NOMO2: variants seen among roughly 807,000 people sequenced by gnomAD.
NOMO2 encodes BOS complex subunit NOMO2.
NOMO2 carries 14 observed loss-of-function variants against 67.1 expected under a neutral mutation model. That is an observed-to-expected ratio of 0.21 (90% CI 0.14 to 0.33). The LOEUF is 0.33. NOMO2 is among the 10% of genes least tolerant of loss of function. The pLI is 1.00. For synonymous variants in NOMO2, 80 were observed against 305.9 expected (o/e 0.26, Z 7.71); for missense variants, 178 against 761.0 (o/e 0.23, Z 9.01).
intron 15 of NOMO2, among the ~76,000 whole-genome samples, chr16:18,528,951 G>A (rs1284346068): frequency 1.9e-5 from 2 of 106,044 alleles, no homozygotes; most frequent in East Asian, 5.1e-4. Flanking sequence ...CTGGGCAACA[G>A]AGCAAGACTC....
chr16:18,557,008 T>A (rs1396924408), intron 2 of NOMO2, among the ~76,000 whole-genome samples: 1 of 151,888 alleles, frequency 6.6e-6, no homozygotes, highest in East Asian at 1.9e-4. Flanking sequence ...GTGCCTGTAA[T>A]CCCAGCTATT....
intron 6 of NOMO2, among the ~76,000 whole-genome samples, chr16:18,545,386 T>C (rs1427615936): frequency 1.3e-5 from 2 of 151,822 alleles, no homozygotes; most frequent in African/African-American, 4.8e-5. Flanking sequence ...CATGAGCAAC[T>C]GCACCCAGCC....
intron 3 of NOMO2, among the ~76,000 whole-genome samples, chr16:18,554,229 G>A (rs1435780190): frequency 6.6e-6 from 1 of 152,000 alleles, no homozygotes; most frequent in Non-Finnish European, 1.5e-5. Flanking sequence ...TGAACACTCA[G>A]TATTGGTTTA....
At chr16:18,534,274 C>A (rs2141725496) in intron 11 of NOMO2, among the ~76,000 whole-genome samples, 1 of 151,648 alleles carries the variant, frequency 6.6e-6, no homozygotes, top group Non-Finnish European at 1.5e-5. Context: ...CCCAAGGACC[C>A]CCCTCCCATT....
intron 15 of NOMO2, among the ~76,000 whole-genome samples, chr16:18,528,286 T>C (rs1901195927): frequency 6.6e-6 from 1 of 151,434 alleles, no homozygotes; most frequent in Non-Finnish European, 1.5e-5. Context: ...AAAAGGATCT[T>C]ATTACAAGAG....
chr16:18,531,529 G>C lies in NOMO2; in HGVS notation c.1474C>G (p.Pro492Ala), dbSNP rs933009472. The change falls in exon 13 of 31, where the codon CCC becomes GCC. Residue 492 changes from proline (P) to alanine (A), a missense_variant. Transcript: ENST00000622306. The part of the protein sequence containing the change: ...QTFPLTVTDR[P>A]VMDVAFVQFL... ...TGTACAAAGGCCACATCCATCACGG[G>C]CCTGTCGGTCACAGTAAGAGGAAAT... The C allele has an allele frequency of 1.1e-5, 18 of 1,604,568 alleles. No individual in the cohort carries two copies. The African/African-American group carries it at 2.0e-4, about 18-fold the overall frequency.
intron 16 of NOMO2, among the ~76,000 whole-genome samples, chr16:18,526,685 C>T (rs1901153290): frequency 6.6e-6 from 1 of 151,548 alleles, no homozygotes; most frequent in African/African-American, 2.4e-5. Context: ...TGATAAACGT[C>T]CAAAAAAAGC....
intron 11 of NOMO2, among the ~76,000 whole-genome samples, chr16:18,535,830 CCT>C (rs1901407727): frequency 6.6e-6 from 1 of 151,960 alleles, no homozygotes. Flanking sequence ...GGAATCTCAC[CCT>C]GTCGGCCAGG....
At chr16:18,557,092 A>T (rs1261025096) in intron 2 of NOMO2, among the ~76,000 whole-genome samples, 1 of 151,648 alleles carries the variant, frequency 6.6e-6, no homozygotes, top group Non-Finnish European at 1.5e-5. Context: ...ACACCACTGC[A>T]CTCCAGCCTG....
At chr16:18,556,341 C>G (rs1392217202) in intron 2 of NOMO2, among the ~76,000 whole-genome samples, 1 of 151,706 alleles carries the variant, frequency 6.6e-6, no homozygotes, top group Non-Finnish European at 1.5e-5. Context: ...GTAATCCCAG[C>G]TACTTGGGAG....
intron 11 of NOMO2, among the ~76,000 whole-genome samples, chr16:18,534,053 A>G (rs1374972443): frequency 3.9e-5 from 6 of 152,170 alleles, no homozygotes; most frequent in Middle Eastern, 6.8e-3. Context: ...AAAGATAATC[A>G]AGAATGTTGG....
intron 11 of NOMO2, among the ~76,000 whole-genome samples, chr16:18,535,816 A>G (rs1196455531): frequency 6.6e-6 from 1 of 151,512 alleles, no homozygotes; most frequent in Non-Finnish European, 1.5e-5. Context: ...TTTTTTTCTG[A>G]GACGGAATCT....
chr16:18,561,353 G>A (rs1354954872), intron 1 of NOMO2, among the ~76,000 whole-genome samples: 1 of 151,196 alleles, frequency 6.6e-6, no homozygotes, highest in Non-Finnish European at 1.5e-5. Context: ...TGATCTACTA[G>A]GTCAGAATCT....
chr16:18,536,971 T>A (rs1315467834), intron 11 of NOMO2, among the ~76,000 whole-genome samples: 1 of 151,968 alleles, frequency 6.6e-6, no homozygotes, highest in Non-Finnish European at 1.5e-5. Context: ...CACCTCCCTG[T>A]TGGGCCCTAC....
rs906014212 is a variant in NOMO2 at position 18,561,956 on chromosome 16, C to A, written c.85G>T (p.Ala29Ser). ...ACCACGATGTCCTCCGAGCCGTGCG[C>A]CGGCCCCACGCCGCTCAGCAGCAGC... The part of the protein sequence containing the change: ...VVLLLSGVGP[A>S]HGSEDIVVGC... The change falls in exon 1 of 31, where the codon GCG becomes TCG. Residue 29 changes from alanine to serine, a missense_variant. By Grantham distance (99) the Ala-to-Ser change is moderately conservative. Transcript: ENST00000622306. 1.1e-5 allele frequency: 17 copies of A among 1,572,020 alleles called. No homozygotes were observed. In the African/African-American group the frequency reaches 2.2e-4, roughly 20 times the overall value.
At chr16:18,548,052 T>C (rs568548738) in intron 5 of NOMO2, among the ~76,000 whole-genome samples, 15 of 121,882 alleles carry the variant, frequency 1.2e-4, no homozygotes, top group African/African-American at 3.8e-4. Flanking sequence ...GAAAACGCAT[T>C]TGATTTCTTC....
intron 6 of NOMO2, among the ~76,000 whole-genome samples, chr16:18,544,392 A>T (rs926721597): frequency 1.3e-5 from 2 of 151,934 alleles, no homozygotes; most frequent in East Asian, 1.9e-4. Context: ...TTTTAATGAT[A>T]TACAGTGTTA....
In NOMO2 at chr16:18,538,613, T is replaced by A. The variant is rs773561006; in HGVS notation, c.1133A>T (p.His378Leu). Residue 378 changes from histidine (H) to leucine (L), a missense_variant, in exon 11 of 31, where the codon CAT (histidine) becomes CTT (leucine). His to Leu is a moderately conservative substitution (Grantham distance 99, BLOSUM62 -3). Transcript: ENST00000622306. ...ENITTGTYTI[H>L]AQKEHLYFET... The stretch of plus-strand genomic sequence containing the variant: ...AAAGTAGAGGTGCTCTTTCTGAGCA[T>A]GGATGGTGTATGTCCCTGTGGTTAT... The A allele has an allele frequency of 6.2e-7, 1 of 1,612,590 alleles. No individual in the cohort carries two copies. Among genetic ancestry groups the A allele is most frequent in the Admixed American group, 1.7e-5 (1 of 59,882 alleles).
intron 9 of NOMO2, among the ~76,000 whole-genome samples, chr16:18,539,783 TCCA>T (rs1384888509): frequency 1.3e-5 from 2 of 151,996 alleles, no homozygotes; most frequent in African/African-American, 2.4e-5. Context: ...ACCACCCTCC[TCCA>T]CCACCATCAC....
Sources: allele counts gnomAD v4.1 joint callset (sites outside exome capture counted in the v4.1 genomes callset), GRCh38; gene constraint gnomAD v4.1.1; transcripts MANE v1.5; gene names NCBI Gene and HGNC (gene_info 2026-07-23, HGNC 2026-07-21).